CENPK: variants seen among roughly 807,000 people sequenced by gnomAD.
The protein encoded by CENPK is SoxLZ/Sox6-binding protein Solt.
Under a neutral mutation model 40.9 loss-of-function variants are expected in CENPK, and 46 were observed. The observed-to-expected ratio is 1.13, with a 90% confidence interval of 0.89 to 1.44. The LOEUF is 1.44. Ranked by LOEUF, CENPK falls within the 40% of genes most tolerant of loss-of-function variation. The pLI is 0.00. For missense variants in CENPK, 288 were observed against 303.5 expected (o/e 0.95, Z 0.38); for synonymous variants, 107 against 104.4 (o/e 1.02, Z -0.15).
chr5:65,531,508 A>ATTT (rs34443663), intron 6 of CENPK, among the ~76,000 whole-genome samples: 1 of 142,814 alleles, frequency 7.0e-6, no homozygotes. Context: ...CTAAAAATCT[A>ATTT]TTTTTTTTTT....
At chr5:65,536,697 A>G (rs1037822031) in intron 6 of CENPK, among the ~76,000 whole-genome samples, 1 of 151,668 alleles carries the variant, frequency 6.6e-6, no homozygotes, top group Non-Finnish European at 1.5e-5. Context: ...ATGTCCATGT[A>G]TTATTTATTT....
chr5:65,558,472 T>G (rs530010143), intron 2 of CENPK, among the ~76,000 whole-genome samples: 24 of 152,334 alleles, frequency 1.6e-4, no homozygotes, highest in African/African-American at 5.1e-4. Context: ...TAGGAACTTG[T>G]AGAAATTCTA....
At chr5:65,533,656 T>A (rs1323146049) in intron 6 of CENPK, among the ~76,000 whole-genome samples, 2 of 151,966 alleles carry the variant, frequency 1.3e-5, no homozygotes, top group Non-Finnish European at 2.9e-5. Context: ...TCTCAGATAA[T>A]AAGGATGTAG....
intron 6 of CENPK, among the ~76,000 whole-genome samples, chr5:65,535,238 A>AAGGG (rs373048920): frequency 2.6e-5 from 4 of 151,914 alleles, no homozygotes; most frequent in Non-Finnish European, 4.4e-5. Flanking sequence ...TCGAGGATGG[A>AAGGG]AGGGAGGGAG....
chr5:65,524,166 G>C (rs147009217), intron 9 of CENPK, among the ~76,000 whole-genome samples: 6 of 151,630 alleles, frequency 4.0e-5, no homozygotes, highest in Admixed American at 1.3e-4. Context: ...ACCAGCTCAG[G>C]AGATCGAGAC....
chr5:65,531,922 A>G (rs1281237098), intron 6 of CENPK, among the ~76,000 whole-genome samples: 2 of 152,328 alleles, frequency 1.3e-5, no homozygotes, highest in Middle Eastern at 3.4e-3. Flanking sequence ...AATAACAACA[A>G]AGAAGTTAAA....
chr5:65,529,201 T>C lies in CENPK; in HGVS notation c.289-2A>G. The C allele has an allele frequency of 1.9e-6, 3 of 1,579,262 alleles. No homozygotes were observed. Among genetic ancestry groups the C allele is most frequent in the Non-Finnish European group, 8.7e-7 (1 of 1,154,520 alleles). On this transcript the variant is annotated splice_acceptor_variant, in intron 6 of 10. Transcript: ENST00000396679. LOFTEE classifies it high-confidence loss of function. ...AAGATCTTGTCTCAGCTTTTGGAACTAGAATAAAATAATTCAAATTAATTG... is the reference window on the plus strand; with the variant it reads ...AAGATCTTGTCTCAGCTTTTGGAACCAGAATAAAATAATTCAAATTAATTG...
chr5:65,563,062 C>A (rs16893969), intron 1 of CENPK, 36 bp downstream of exon 1: 89,235 of 401,890 alleles, frequency 0.22, 11,489 homozygotes, highest in South Asian at 0.33. Flanking sequence ...CCACAAGATT[C>A]AACCGTTATA....
chr5:65,519,724 T>A (rs1489637759), intron 10 of CENPK, among the ~76,000 whole-genome samples: 1 of 152,174 alleles, frequency 6.6e-6, no homozygotes. Flanking sequence ...TGAAATAACA[T>A]TTTCAACTAT....
chr5:65,528,709 T>C (rs1745191126), intron 8 of CENPK, 131 bp from the exon 9 acceptor site: 1 of 1,196,762 alleles, frequency 8.4e-7, no homozygotes, highest in African/African-American at 1.6e-5. Context: ...ACTACCTTTT[T>C]GAAAATCATA....
intron 5 of CENPK, chr5:65,550,412 A>C (rs1363414576): frequency 6.6e-6 from 1 of 152,210 alleles, no homozygotes; most frequent in Non-Finnish European, 1.5e-5. Flanking sequence ...TTTTAAGGAA[A>C]AGGGAGGGCC....
At chr5:65,519,753 C>T (rs2150335162) in intron 10 of CENPK, among the ~76,000 whole-genome samples, 1 of 152,092 alleles carries the variant, frequency 6.6e-6, no homozygotes, top group African/African-American at 2.4e-5. Context: ...ATTTCAAGTC[C>T]CACATTCTGC....
chr5:65,544,578 C>T (rs1748562237), intron 5 of CENPK, among the ~76,000 whole-genome samples: 1 of 152,124 alleles, frequency 6.6e-6, no homozygotes, highest in Non-Finnish European at 1.5e-5. Flanking sequence ...AACTGCACAT[C>T]CATGTTCATG....
At position 65,518,313 on chromosome 5, in the gene CENPK, T is replaced by A. The variant is rs1172842501; in HGVS notation, c.*162A>T. On this transcript the variant is annotated 3_prime_UTR_variant, in exon 11 of 11. Coordinates refer to ENST00000396679, the MANE Select transcript of CENPK (RefSeq NM_022145.5). The stretch of plus-strand genomic sequence containing the variant: ...CACTCACTGAATAAGAAATGACCAT[T>A]TAAAAATGAATAATAGATGGCAGCA... 3.1e-6 allele frequency: 2 copies of A among 641,466 alleles called. No homozygotes were observed. Among genetic ancestry groups the A allele is most frequent in the Admixed American group, 6.9e-5 (2 of 29,104 alleles). The allele number at this position is 641,466 out of a possible 1,614,324, so 39.7% of individuals were successfully genotyped here. A position where few individuals can be genotyped will look rare whatever the true frequency, so the allele number is the denominator to read the frequency against.
downstream of CENPK, among the ~76,000 whole-genome samples, chr5:65,516,783 C>T (rs988653798): frequency 8.6e-5 from 13 of 151,798 alleles, no homozygotes; most frequent in African/African-American, 3.1e-4. Flanking sequence ...TAAAAATAAG[C>T]TATTAGCAAC....
chr5:65,548,149 G>A (rs1283573102), intron 5 of CENPK, among the ~76,000 whole-genome samples: 2 of 152,190 alleles, frequency 1.3e-5, no homozygotes, highest in Admixed American at 6.5e-5. Flanking sequence ...TTTGGAGATA[G>A]TCCAAGTTTG....
In CENPK at chr5:65,528,541, T is replaced by G; in HGVS notation, c.508A>C (p.Lys170Gln). Residue 170 changes from lysine to glutamine, a missense_variant, in exon 9 of 11, where the codon AAA becomes CAA. Transcript: ENST00000396679. ...NELKTKMLNI[K>Q]EYKEKLLSTL... ...CTCAAGAGTTTCTCCTTATATTCTT[T>G]TATATTAAGCATTTTAGTTTTCAGT... 6.3e-7 allele frequency: 1 copy of G among 1,586,702 alleles called. No homozygotes were observed. Among genetic ancestry groups the G allele is most frequent in the Middle Eastern group, 1.8e-4 (1 of 5,662 alleles).
intron 5 of CENPK, among the ~76,000 whole-genome samples, chr5:65,547,701 G>A (rs1017687114): frequency 1.3e-5 from 2 of 151,866 alleles, no homozygotes; most frequent in African/African-American, 4.8e-5. Context: ...GTCTCGCCCT[G>A]TTGCCCAGGC....
chr5:65,527,751 C>T (rs540323206), intron 9 of CENPK, among the ~76,000 whole-genome samples: 3 of 151,484 alleles, frequency 2.0e-5, no homozygotes, highest in South Asian at 2.1e-4. Context: ...AGCAAAAAAC[C>T]ACCCACAATC....
Sources: allele counts gnomAD v4.1 joint callset (sites outside exome capture counted in the v4.1 genomes callset), GRCh38; gene constraint gnomAD v4.1.1; transcripts MANE v1.5; gene names NCBI Gene and HGNC (gene_info 2026-07-23, HGNC 2026-07-21).